PPFIBP1: variants seen among roughly 807,000 people sequenced by gnomAD.
The protein encoded by PPFIBP1 is liprin-beta-1.
In PPFIBP1, 112 loss-of-function variants were observed where a neutral mutation model predicts 137.8. The ratio of observed to expected loss-of-function variants is 0.81; its 90% CI spans 0.70 to 0.95. The LOEUF (loss-of-function observed/expected upper bound fraction) is 0.95. Among genes scored for constraint, PPFIBP1 ranks in the 40% least tolerant of loss-of-function variants. The pLI is 0.00. For synonymous variants in PPFIBP1, 378 were observed against 417.3 expected (o/e 0.91, Z 1.15); for missense variants, 1,083 against 1,196.6 (o/e 0.91, Z 1.40).
intron 4 of PPFIBP1, chr12:27,635,325 G>A (rs1318058022): frequency 1.3e-5 from 8 of 606,418 alleles, no homozygotes; most frequent in Non-Finnish European, 2.3e-5. Flanking sequence ...CCAACAACAG[G>A]TCACCTGATT....
chr12:27,592,543 C>T (rs10842945), intron 2 of PPFIBP1: 438,669 of 1,271,962 alleles, frequency 0.34, 80,312 homozygotes, highest in Middle Eastern at 0.41. Context: ...TGCTGGCTGA[C>T]GGGGACTCTT....
At chr12:27,536,889 T>A (rs1945083162) in intron 1 of PPFIBP1, among the ~76,000 whole-genome samples, 1 of 152,170 alleles carries the variant, frequency 6.6e-6, no homozygotes, top group African/African-American at 2.4e-5. Flanking sequence ...GAGCTCACTT[T>A]TGAGGCTAAG....
At chr12:27,655,014 G>A (rs1417613553) in intron 8 of PPFIBP1, 200 bp downstream of exon 8, 16 of 1,080,692 alleles carry the variant, frequency 1.5e-5, no homozygotes, top group African/African-American at 4.8e-5. Flanking sequence ...TAACTCATCC[G>A]ACAGAACATA....
intron 13 of PPFIBP1, 21 bp downstream of exon 13, chr12:27,667,341 T>G (rs779159046): frequency 6.4e-7 from 1 of 1,559,952 alleles, no homozygotes; most frequent in Non-Finnish European, 8.7e-7. Flanking sequence ...ACTTTCAGTA[T>G]TTCCTTTATG....
chr12:27,525,281 T>G (rs896541274), intron 1 of PPFIBP1, among the ~76,000 whole-genome samples: 1 of 152,180 alleles, frequency 6.6e-6, no homozygotes, highest in East Asian at 1.9e-4. Flanking sequence ...TTTGGTATTT[T>G]GAGAAAGCAA....
At chr12:27,576,291 A>G (rs556435799) in intron 1 of PPFIBP1, among the ~76,000 whole-genome samples, 20 of 152,228 alleles carry the variant, frequency 1.3e-4, no homozygotes, top group African/African-American at 4.8e-4. Context: ...ATCCAGGTGA[A>G]GCGTGTAAAC....
At chr12:27,639,206 G>T (rs552918394) in intron 4 of PPFIBP1, among the ~76,000 whole-genome samples, 1 of 152,060 alleles carries the variant, frequency 6.6e-6, no homozygotes, top group Admixed American at 6.5e-5. Context: ...TCAGAAGTGC[G>T]TCTCCTGTGG....
At chr12:27,638,650 G>A (rs1359600034) in intron 4 of PPFIBP1, among the ~76,000 whole-genome samples, 1 of 152,142 alleles carries the variant, frequency 6.6e-6, no homozygotes, top group Non-Finnish European at 1.5e-5. Context: ...AGAGTAGAGG[G>A]AAAATGTTTA....
chr12:27,670,388 A>T (rs2060105200), intron 13 of PPFIBP1, among the ~76,000 whole-genome samples: 1 of 152,242 alleles, frequency 6.6e-6, no homozygotes, highest in South Asian at 2.1e-4. Flanking sequence ...TTCATCAATT[A>T]TGTTAATTGA....
At chr12:27,674,612 G>A (rs10771355) in intron 17 of PPFIBP1, among the ~76,000 whole-genome samples, 100,978 of 151,942 alleles carry the variant, frequency 0.66, 33,663 homozygotes, top group African/African-American at 0.7. Context: ...TTTCACTTCA[G>A]TAAGTTATTA....
At chr12:27,556,013 A>C (rs1275101146) in intron 1 of PPFIBP1, among the ~76,000 whole-genome samples, 2 of 152,244 alleles carry the variant, frequency 1.3e-5, no homozygotes, top group African/African-American at 4.8e-5. Context: ...TTTGGAATTA[A>C]CAATTAGCCT....
chr12:27,667,222 G>A lies in PPFIBP1; in HGVS notation c.1048G>A (p.Asp350Asn). 6.2e-7 allele frequency: 1 copy of A among 1,613,480 alleles called. No homozygotes were observed. The highest frequency in any genetic ancestry group is 8.5e-7 in the Non-Finnish European group (1 of 1,179,678). The change falls in exon 13 of 30, where the codon GAT becomes AAT. Residue 350 changes from aspartate (D) to asparagine (N), a missense_variant. Asp to Asn is a conservative substitution (Grantham distance 23). Transcript: ENST00000228425. Reference sequence around the variant, plus strand: ...TTCCAGTTCCATCTCCTCTTTGCTGGATGCACAGGGTTTCAGTGATCTGGA... The same window carrying A: ...TTCCAGTTCCATCTCCTCTTTGCTGAATGCACAGGGTTTCAGTGATCTGGA... ...LNSSSISSLL[D>N]AQGFSDLEKS...
intron 2 of PPFIBP1, among the ~76,000 whole-genome samples, chr12:27,591,504 G>A (rs1479078966): frequency 6.6e-6 from 1 of 152,164 alleles, no homozygotes; most frequent in Non-Finnish European, 1.5e-5. Context: ...TGAACTTTTG[G>A]TAAATACTGC....
chr12:27,692,694 A>C (rs902001322), intron 29 of PPFIBP1, 38 bp downstream of exon 29: 1 of 1,613,956 alleles, frequency 6.2e-7, no homozygotes, highest in East Asian at 2.2e-5. Context: ...TTATTCTATA[A>C]ATGTCTTTTA....
intron 2 of PPFIBP1, chr12:27,599,439 G>T: frequency 2.2e-6 from 1 of 455,586 alleles, no homozygotes; most frequent in Non-Finnish European, 4.4e-6. Flanking sequence ...TCTCCAGCTT[G>T]CAGTTAGCAG....
At chr12:27,669,686 G>A (rs886161312) in intron 13 of PPFIBP1, among the ~76,000 whole-genome samples, 1 of 152,144 alleles carries the variant, frequency 6.6e-6, no homozygotes, top group African/African-American at 2.4e-5. Flanking sequence ...AGTTGCCCAG[G>A]ATTCATCATA....
At chr12:27,555,054 C>T (rs1029864271) in intron 1 of PPFIBP1, among the ~76,000 whole-genome samples, 2 of 152,088 alleles carry the variant, frequency 1.3e-5, no homozygotes, top group Non-Finnish European at 2.9e-5. Context: ...GGCGTGCATT[C>T]TTGTTCGTTC....
chr12:27,614,126 C>T (rs900729685), intron 2 of PPFIBP1, among the ~76,000 whole-genome samples: 1 of 152,096 alleles, frequency 6.6e-6, no homozygotes, highest in African/African-American at 2.4e-5. Context: ...GCCTGTAATC[C>T]CAGCACTTTT....
intron 12 of PPFIBP1, among the ~76,000 whole-genome samples, chr12:27,665,257 C>A (rs578153162): frequency 6.6e-6 from 1 of 152,016 alleles, no homozygotes; most frequent in Non-Finnish European, 1.5e-5. Flanking sequence ...TATTGAGAGC[C>A]GCAGAAACCA....
Sources: gnomAD v4.1 joint callset for allele counts (sites outside exome capture counted in the v4.1 genomes callset) on GRCh38, gnomAD v4.1.1 for gene constraint, MANE v1.5 for transcripts, NCBI Gene and HGNC (gene_info 2026-07-23, HGNC 2026-07-21) for gene names.